Variants in SLC36A4 observed in about 807,000 individuals in gnomAD.
SLC36A4 encodes the protein neutral amino acid uniporter 4.
Under a neutral mutation model 50.5 loss-of-function variants are expected in SLC36A4, and 49 were observed. That is an observed-to-expected ratio of 0.97 (90% CI 0.77 to 1.23). The LOEUF (loss-of-function observed/expected upper bound fraction) is 1.23. Among genes scored for constraint, SLC36A4 ranks in the 50% most tolerant of loss-of-function variants. The pLI, the probability that SLC36A4 is intolerant of heterozygous loss-of-function variation, is 0.00. For missense variants in SLC36A4, 611 were observed against 608.4 expected (o/e 1.00, Z -0.05); for synonymous variants, 207 against 206.5 (o/e 1.00, Z -0.02).
chr11:93,183,858 C>T lies in SLC36A4; in HGVS notation c.270+572G>A, dbSNP rs981245844. ...GACTACAGGCATCCGCCACCACGCC[C>T]GGCTAATTTTTTGCATTTTTTAGTA... is the stretch of plus-strand genomic sequence containing the variant. On this transcript the variant is annotated intron_variant, in intron 3 of 10. Coordinates refer to ENST00000326402, the MANE Select transcript of SLC36A4 (RefSeq NM_152313.4). Among the ~76,000 whole-genome samples the T allele has an allele frequency of 7.2e-5, 11 of 152,078 alleles. No individual in the cohort carries two copies. In the East Asian group the frequency reaches 1.2e-3, roughly 16 times the overall value.
At chr11:93,177,661 A>T (rs1199913590) in intron 6 of SLC36A4, among the ~76,000 whole-genome samples, 4 of 152,178 alleles carry the variant, frequency 2.6e-5, no homozygotes, top group Non-Finnish European at 5.9e-5. Flanking sequence ...TTGCCTGGGT[A>T]TCACCAGCAA....
intron 9 of SLC36A4, chr11:93,160,735 C>G (rs1304262863): frequency 1.2e-5 from 12 of 983,538 alleles, no homozygotes; most frequent in Non-Finnish European, 1.4e-5. Context: ...TAAATAAGAC[C>G]GGGAAAGAAT....
chr11:93,163,399 A>T (rs1860718040), intron 8 of SLC36A4, among the ~76,000 whole-genome samples: 1 of 152,092 alleles, frequency 6.6e-6, no homozygotes, highest in Non-Finnish European at 1.5e-5. Context: ...ATCGTTTCTC[A>T]ATCCTTGCTT....
intron 1 of SLC36A4, chr11:93,193,100 T>C (rs1490113499): frequency 7.7e-6 from 6 of 783,042 alleles, no homozygotes; most frequent in Non-Finnish European, 9.3e-6. Context: ...CTCTATGGGA[T>C]TTTTAAATGC....
chr11:93,193,358 T>C (rs548720766), intron 1 of SLC36A4, among the ~76,000 whole-genome samples: 1 of 152,274 alleles, frequency 6.6e-6, no homozygotes, highest in African/African-American at 2.4e-5. Context: ...CAATTTACAT[T>C]ACACATAATG....
chr11:93,168,340 G>A (rs1860978880), intron 6 of SLC36A4, among the ~76,000 whole-genome samples, 169 bp from the exon 7 acceptor site: 1 of 151,892 alleles, frequency 6.6e-6, no homozygotes, highest in Non-Finnish European at 1.5e-5. Context: ...TGGTTTCCTA[G>A]AAACATATGT....
Position 93,169,635 on chromosome 11 carries a change from T to C in SLC36A4, c.541-1464A>G, listed in dbSNP as rs562111281. ...ATATATCTATTAGATTTTTGCCCTA[T>C]ACAGGCAATTTATAACTCATACTGG... On this transcript the variant is annotated intron_variant, in intron 6 of 10. Coordinates refer to ENST00000326402, the MANE Select transcript of SLC36A4 (RefSeq NM_152313.4). Among the ~76,000 whole-genome samples, 9 of 152,244 alleles carry C rather than the reference T, an allele frequency of 5.9e-5. No individual in the cohort carries two copies. In the South Asian group the frequency reaches 1.7e-3, roughly 28 times the overall value.
At chr11:93,159,820 C>T (rs1352283876) in intron 9 of SLC36A4, 1 of 985,192 alleles carries the variant, frequency 1.0e-6, no homozygotes, top group African/African-American at 1.7e-5. Context: ...TATCCTATGG[C>T]CTCTTTCTAA....
intron 2 of SLC36A4, among the ~76,000 whole-genome samples, chr11:93,184,874 T>C (rs1861913328): frequency 6.6e-6 from 1 of 152,192 alleles, no homozygotes; most frequent in South Asian, 2.1e-4. Flanking sequence ...TCATAAGATA[T>C]TTTGCTGTTA....
Position 93,148,568 on chromosome 11 carries a change from T to G in SLC36A4, c.1484A>C (p.Asn495Thr). ...CAAACCAGATGTTAAGCATGTTGAA[T>G]TCAAATTTAGAAAAGGACTCTGTGG... is the stretch of plus-strand genomic sequence containing the variant. ...GTPQSPFLNL[N>T]STCLTSGLK Residue 495 changes from asparagine (N) to threonine (T), a missense_variant, in exon 11 of 11, where the codon AAT (asparagine) becomes ACT (threonine). Asn to Thr is a moderately conservative substitution (Grantham distance 65). Coordinates refer to ENST00000326402, the MANE Select transcript of SLC36A4 (RefSeq NM_152313.4). The G allele has an allele frequency of 6.2e-6, 10 of 1,611,350 alleles. No individual in the cohort carries two copies. The highest frequency in any genetic ancestry group is 8.5e-6 in the Non-Finnish European group (10 of 1,178,984).
In SLC36A4 at chr11:93,182,842, T is replaced by C. The variant is rs1377227451; in HGVS notation, c.323A>G (p.His108Arg). The C allele has an allele frequency of 6.2e-7, 1 of 1,613,062 alleles. No individual in the cohort carries two copies. The highest frequency in any genetic ancestry group is 2.2e-5 in the East Asian group (1 of 44,744). The change falls in exon 4 of 11, where the codon CAC (histidine) becomes CGC (arginine). Residue 108 changes from histidine to arginine, a missense_variant. Transcript: ENST00000326402. ...FIGIISVHCMHILVRCSHFLC... is the reference protein window; with the variant it reads ...FIGIISVHCMRILVRCSHFLC... The stretch of plus-strand genomic sequence containing the variant: ...AAAGTGACTGCAACGTACCAATATG[T>C]GCATACAGTGAACAGAAATAATTCC...
rs1038664264 is a variant in SLC36A4 at position 93,195,888 on chromosome 11, C to A, written c.55+1890G>T. ...TATAAAATACTGTAAACTGCCTAGCCCCCACCCTCATTCCTGATTTCCCTT... is the reference window on the plus strand; with the variant it reads ...TATAAAATACTGTAAACTGCCTAGCACCCACCCTCATTCCTGATTTCCCTT... On this transcript the variant is annotated intron_variant, in intron 1 of 10. Coordinates refer to ENST00000326402, the MANE Select transcript of SLC36A4 (RefSeq NM_152313.4). 2.6e-5 allele frequency among the ~76,000 whole-genome samples: 4 copies of A among 152,114 alleles called. No homozygotes were observed. In the East Asian group the frequency reaches 7.7e-4, roughly 29 times the overall value.
chr11:93,166,700 A>C (rs914906013), intron 7 of SLC36A4: 2 of 152,044 alleles, frequency 1.3e-5, no homozygotes, highest in Admixed American at 6.6e-5. Context: ...TCTGGTCCCT[A>C]CTCTTCTCAC....
chr11:93,193,448 T>A (rs1219867968), intron 1 of SLC36A4, among the ~76,000 whole-genome samples: 1 of 152,158 alleles, frequency 6.6e-6, no homozygotes, highest in Non-Finnish European at 1.5e-5. Flanking sequence ...GCTGTGATTA[T>A]TATTGTAAAA....
chr11:93,182,615 C>A (rs1861785399), intron 4 of SLC36A4, among the ~76,000 whole-genome samples, 191 bp downstream of exon 4: 1 of 152,006 alleles, frequency 6.6e-6, no homozygotes, highest in Non-Finnish European at 1.5e-5. Context: ...AATAAGGCTA[C>A]CTTTTAAAAA....
chr11:93,179,368 T>C (rs1447425586), intron 6 of SLC36A4, among the ~76,000 whole-genome samples: 2 of 152,248 alleles, frequency 1.3e-5, no homozygotes, highest in Non-Finnish European at 2.9e-5. Flanking sequence ...TGTCTAGTGG[T>C]GAAAAATAAC....
At chr11:93,148,948 T>C in intron 10 of SLC36A4, 104 bp from the exon 11 acceptor site, 1 of 1,123,084 alleles carries the variant, frequency 8.9e-7, no homozygotes, top group Non-Finnish European at 1.3e-6. Flanking sequence ...CTAGAAATAA[T>C]TAATGAAAGT....
At chr11:93,195,134 T>C (rs1862366105) in intron 1 of SLC36A4, among the ~76,000 whole-genome samples, 1 of 151,118 alleles carries the variant, frequency 6.6e-6, no homozygotes, top group South Asian at 2.1e-4. Flanking sequence ...CAATGCACTT[T>C]ATTATCTAGT....
rs1028752886 is a variant in SLC36A4, at chr11:93,146,917, G to A, written c.*1620C>T. On this transcript the variant is annotated 3_prime_UTR_variant, in exon 11 of 11. Coordinates refer to ENST00000326402, the MANE Select transcript of SLC36A4 (RefSeq NM_152313.4). The stretch of plus-strand genomic sequence containing the variant: ...CTGGAGTGTCTCAATATTTAGAAGG[G>A]AGTTTATGGATTTTTTCTAAGCATG... 1 of 151,966 alleles carries A rather than the reference G, an allele frequency of 6.6e-6. No homozygotes were observed. Among genetic ancestry groups the A allele is most frequent in the South Asian group, 2.1e-4 (1 of 4,824 alleles). 9.4% of individuals were successfully genotyped at this position (151,966 alleles called of 1,614,324 possible).
Sources: allele counts gnomAD v4.1 joint callset (sites outside exome capture counted in the v4.1 genomes callset), GRCh38; gene constraint gnomAD v4.1.1; transcripts MANE v1.5; gene names NCBI Gene and HGNC (gene_info 2026-07-23, HGNC 2026-07-21).